Variants in CTNND2 observed in about 807,000 individuals in gnomAD.
CTNND2 encodes the protein catenin delta 2, also known as catenin delta-2.
In CTNND2, 22 loss-of-function variants were observed where a neutral mutation model predicts 144.4. That is an observed-to-expected ratio of 0.15 (90% CI 0.11 to 0.22). The LOEUF is 0.22. CTNND2 is among the 10% of genes least tolerant of loss of function. CTNND2 has a pLI of 1.00. For synonymous variants in CTNND2, 751 were observed against 695.6 expected (o/e 1.08, Z -1.25); for missense variants, 1,353 against 1,618.8 (o/e 0.84, Z 2.82).
chr5:11,038,914 T>C (rs1744380154), intron 16 of CTNND2, among the ~76,000 whole-genome samples: 1 of 152,062 alleles, frequency 6.6e-6, no homozygotes, highest in African/African-American at 2.4e-5. Context: ...CAAACACCTG[T>C]GGTTAAATCT....
At chr5:11,631,542 G>A (rs1466533294) in intron 2 of CTNND2, among the ~76,000 whole-genome samples, 2 of 152,188 alleles carry the variant, frequency 1.3e-5, no homozygotes, top group Non-Finnish European at 2.9e-5. Flanking sequence ...TACTTTGAGT[G>A]GTTGGTTCAA....
At chr5:11,381,695 T>C (rs1432515447) in intron 7 of CTNND2, among the ~76,000 whole-genome samples, 3 of 152,130 alleles carry the variant, frequency 2.0e-5, no homozygotes, top group South Asian at 2.1e-4. Flanking sequence ...GGACCAGGTG[T>C]GGTGGCTCAC....
intron 11 of CTNND2, among the ~76,000 whole-genome samples, chr5:11,173,770 T>C (rs893036904): frequency 2.0e-5 from 3 of 152,220 alleles, no homozygotes; most frequent in Non-Finnish European, 2.9e-5. Context: ...TCCCATAACA[T>C]ACAGTTAATA....
At chr5:11,387,711 C>G (rs1759229344) in intron 6 of CTNND2, among the ~76,000 whole-genome samples, 1 of 152,112 alleles carries the variant, frequency 6.6e-6, no homozygotes. Context: ...AAAACAAAAA[C>G]TTTTTGTTAT....
intron 9 of CTNND2, among the ~76,000 whole-genome samples, chr5:11,320,304 A>AAC (rs1561212923): frequency 6.6e-6 from 1 of 152,192 alleles, no homozygotes; most frequent in Non-Finnish European, 1.5e-5. Flanking sequence ...TTTCACTCAC[A>AAC]TAAGTAAAGT....
At position 11,241,108 on chromosome 5, in the gene CTNND2, TAC is replaced by T. The variant is rs199501690; in HGVS notation, c.1629-4287_1629-4286del. Among the ~76,000 whole-genome samples the T allele has an allele frequency of 5.5e-3, 818 of 148,350 alleles. 5 individuals are homozygous for T. Among genetic ancestry groups the T allele is most frequent in the Admixed American group, 7.8e-3 (117 of 14,942 alleles). On this transcript the variant is annotated intron_variant, in intron 9 of 21. Transcript: ENST00000304623. ...ACACCCAATACACACACCCAACATG[TAC>T]ACACACACATCCAACACGCTCAAAC...
At chr5:11,787,013 A>G (rs1790872565) in intron 1 of CTNND2, among the ~76,000 whole-genome samples, 1 of 152,210 alleles carries the variant, frequency 6.6e-6, no homozygotes, top group East Asian at 1.9e-4. Flanking sequence ...TCAGCAACTT[A>G]GGTTCCTCCA....
chr5:11,457,353 C>A (rs1765821178), intron 3 of CTNND2, among the ~76,000 whole-genome samples: 3 of 151,960 alleles, frequency 2.0e-5, no homozygotes, highest in Admixed American at 2.0e-4. Flanking sequence ...TTGGAATTTT[C>A]TAGAAGTAGA....
In CTNND2 at chr5:11,903,837, G is replaced by C. The variant is rs1309447577; in HGVS notation, c.17C>G (p.Pro6Arg). 1.3e-6 allele frequency: 2 copies of C among 1,482,012 alleles called. No individual in the cohort carries two copies. The highest frequency in any genetic ancestry group is 3.0e-5 in the East Asian group (1 of 33,828). 91.8% of individuals were successfully genotyped at this position (1,482,012 alleles called of 1,614,324 possible). Residue 6 changes from proline (P) to arginine (R), a missense_variant, in exon 1 of 22, where the codon CCG becomes CGG. By Grantham distance (103) the Pro-to-Arg change is moderately radical (BLOSUM62 -2). Coordinates refer to ENST00000304623, the MANE Select transcript of CTNND2 (RefSeq NM_001332.4). This position sits in a 1 kb window ranked among gnomAD's most constrained non-coding sequence, Gnocchi z 5.4. Reference protein sequence around the residue: MFARKPPGAAPLGAMP... With the variant: MFARKRPGAAPLGAMP... ...CTCACCCAAAGGCGCGGCGCCCGGC[G>C]GCTTCCTCGCAAACATGCACCCTCC...
intron 1 of CTNND2, among the ~76,000 whole-genome samples, chr5:11,739,799 G>A (rs925464746): frequency 5.3e-5 from 8 of 152,164 alleles, no homozygotes; most frequent in Admixed American, 6.5e-5. Context: ...AAACCCCATC[G>A]TCTCAGCCCA....
intron 8 of CTNND2, among the ~76,000 whole-genome samples, chr5:11,361,092 C>A (rs1756403354): frequency 6.6e-6 from 1 of 152,172 alleles, no homozygotes; most frequent in South Asian, 2.1e-4. Flanking sequence ...GCGATCCTGG[C>A]TCAGCGCAAC....
In CTNND2 at chr5:11,660,427, A is replaced by G. The variant is rs371324578; in HGVS notation, c.174+71709T>C. ...TGGGAACAATTACATTAATGATATC[A>G]TTTTGACTTTGAGGCTGGTAAGATG... On this transcript the variant is annotated intron_variant, in intron 2 of 21. Transcript: ENST00000304623. Among the ~76,000 whole-genome samples, 47 of 152,246 alleles carry G rather than the reference A, an allele frequency of 3.1e-4. 2 individuals carry two copies. The South Asian group carries it at 9.3e-3, about 30-fold the overall frequency.
At chr5:11,842,969 G>A (rs981717701) in intron 1 of CTNND2, among the ~76,000 whole-genome samples, 9 of 152,176 alleles carry the variant, frequency 5.9e-5, no homozygotes, top group African/African-American at 1.9e-4. Flanking sequence ...CATGTGAAGC[G>A]CTGTTGTATA....
At chr5:11,850,261 T>A (rs1040554633) in intron 1 of CTNND2, among the ~76,000 whole-genome samples, 7 of 151,954 alleles carry the variant, frequency 4.6e-5, no homozygotes, top group African/African-American at 1.7e-4. Flanking sequence ...CAAAACTCCA[T>A]GGAAATGAGA....
chr5:11,793,513 C>A (rs1791246200), intron 1 of CTNND2, among the ~76,000 whole-genome samples: 1 of 152,106 alleles, frequency 6.6e-6, no homozygotes, highest in South Asian at 2.1e-4. Flanking sequence ...GCTCCTAAAC[C>A]AATATGACAG....
chr5:11,123,013 C>G (rs1379278131), intron 12 of CTNND2, among the ~76,000 whole-genome samples: 1 of 152,154 alleles, frequency 6.6e-6, no homozygotes, highest in African/African-American at 2.4e-5. Context: ...CCCAGGCCCA[C>G]TGATCCCTCC....
At chr5:11,833,037 C>G (rs980179768) in intron 1 of CTNND2, among the ~76,000 whole-genome samples, 1 of 152,126 alleles carries the variant, frequency 6.6e-6, no homozygotes, top group African/African-American at 2.4e-5. Flanking sequence ...ACCCTTATAC[C>G]TGGAATCTTG....
chr5:11,463,975 C>G (rs959130813), intron 3 of CTNND2, among the ~76,000 whole-genome samples: 4 of 152,062 alleles, frequency 2.6e-5, no homozygotes, highest in African/African-American at 9.7e-5. Flanking sequence ...AGTTTCAAAG[C>G]AATTTTAATT....
At chr5:11,900,966 T>C (rs1486624548) in intron 1 of CTNND2, among the ~76,000 whole-genome samples, 2 of 152,206 alleles carry the variant, frequency 1.3e-5, no homozygotes, top group Non-Finnish European at 2.9e-5. Context: ...GTGAAAATAA[T>C]GTTCGCACAG....
Sources: allele counts gnomAD v4.1 joint callset (sites outside exome capture counted in the v4.1 genomes callset), GRCh38; gene constraint gnomAD v4.1.1; non-coding constraint Gnocchi (gnomAD v3.1); transcripts MANE v1.5; gene names NCBI Gene and HGNC (gene_info 2026-07-23, HGNC 2026-07-21).